Variants in ADGB observed in about 807,000 individuals in gnomAD.
ADGB encodes the protein androglobin.
Under a neutral mutation model 210.5 loss-of-function variants are expected in ADGB, and 172 were observed. The observed-to-expected ratio is 0.82, with a 90% CI of 0.72 to 0.93. The LOEUF is 0.93. Ranked by LOEUF, ADGB falls within the 40% of genes least tolerant of loss-of-function variation. The probability of loss-of-function intolerance (pLI) is 0.00; values close to 1 mark genes in which losing one functional copy is unlikely to be tolerated. For missense variants in ADGB, 2,025 were observed against 1,964.8 expected (o/e 1.03, Z -0.58); for synonymous variants, 658 against 662.7 (o/e 0.99, Z 0.11).
intron 28 of ADGB, among the ~76,000 whole-genome samples, chr6:146,766,054 C>T (rs1777568888): frequency 6.6e-6 from 1 of 151,954 alleles, no homozygotes; most frequent in African/African-American, 2.4e-5. Flanking sequence ...GGTGTAACAA[C>T]AGACAATGGG....
At chr6:146,795,653 T>C (rs1328691103) in intron 33 of ADGB, among the ~76,000 whole-genome samples, 1 of 152,142 alleles carries the variant, frequency 6.6e-6, no homozygotes, top group Non-Finnish European at 1.5e-5. Flanking sequence ...TGACAGATGC[T>C]GGTCAGGTTG....
chr6:146,665,708 G>A (rs988703670), intron 6 of ADGB, among the ~76,000 whole-genome samples: 1 of 151,992 alleles, frequency 6.6e-6, no homozygotes, highest in African/African-American at 2.4e-5. Flanking sequence ...AAAGCAACAA[G>A]CTAAGTGTAA....
chr6:146,703,400 T>A (rs1316633952), intron 13 of ADGB, among the ~76,000 whole-genome samples: 1 of 151,856 alleles, frequency 6.6e-6, no homozygotes, highest in Non-Finnish European at 1.5e-5. Flanking sequence ...TAAAATCTTC[T>A]GTCTTATCAA....
rs1396110529 is a variant in ADGB at position 146,666,800 on chromosome 6, G to A, written c.753-16G>A. 1.6e-5 allele frequency: 25 copies of A among 1,531,816 alleles called. No individual in the cohort carries two copies. Among genetic ancestry groups the A allele is most frequent in the Non-Finnish European group, 2.1e-5 (24 of 1,132,038 alleles). The allele number at this position is 1,531,816 out of a possible 1,614,324, so 94.9% of individuals were successfully genotyped here. ...CAAATTTTGCTACCTGTAACATTATGCATGTTCTTTTTTAGCATCCATGTA... is the reference window on the plus strand; with the variant it reads ...CAAATTTTGCTACCTGTAACATTATACATGTTCTTTTTTAGCATCCATGTA... On this transcript the variant is annotated splice_polypyrimidine_tract_variant and intron_variant, in intron 6 of 35. Coordinates refer to ENST00000397944, the MANE Select transcript of ADGB (RefSeq NM_024694.4).
rs898629569 is a variant in ADGB, at chr6:146,734,022, G to A, written c.2786G>A (p.Arg929Lys). 1.7e-5 allele frequency: 26 copies of A among 1,551,160 alleles called. No homozygotes were observed. In the African/African-American group the frequency reaches 2.9e-4, roughly 17 times the overall value. Residue 929 changes from arginine (R) to lysine (K), a missense_variant, in exon 22 of 36, where the codon AGA becomes AAA. Arg to Lys is a conservative substitution (Grantham distance 26). Coordinates refer to ENST00000397944, the MANE Select transcript of ADGB (RefSeq NM_024694.4). Reference sequence around the variant, plus strand: ...TACGTTAGATTGCTTATGAAAGCCAGAATACCAGGTATGATTGTCCAAACA... The same window carrying A: ...TACGTTAGATTGCTTATGAAAGCCAAAATACCAGGTATGATTGTCCAAACA... ...GTYVRLLMKA[R>K]IPDTKENISV... is the part of the protein sequence containing the mutation.
chr6:146,716,899 A>C lies in ADGB; in HGVS notation c.1758A>C (p.Thr586=). 1 of 1,549,006 alleles carries C rather than the reference A, an allele frequency of 6.5e-7. No individual in the cohort carries two copies. The change falls in exon 15 of 36, where the codon ACA becomes ACC. Residue 586 remains threonine, a synonymous_variant. Coordinates refer to ENST00000397944, the MANE Select transcript of ADGB (RefSeq NM_024694.4). ...GTCTTCTAGGCACAGATGAACAAAC[A>C]GACTTTGGATTGGGTGATGCTCATC... The part of the protein sequence containing the change: ...VILGKGTDEQ[T]DFGLGDAHQS...
At position 146,705,594 on chromosome 6, in the gene ADGB, T is replaced by A. The variant is rs137912466; in HGVS notation, c.1707+4524T>A. Among the ~76,000 whole-genome samples, 491 of 152,312 alleles carry A rather than the reference T, an allele frequency of 3.2e-3. 4 individuals carry two copies. The highest frequency in any genetic ancestry group is 0.011 in the African/African-American group (474 of 41,580). On this transcript the variant is annotated intron_variant, in intron 13 of 35. Transcript: ENST00000397944. ...TATATCATACTTGTAGATTTGCATA[T>A]GTCAAACCATCCTTGCATCTCTGGG...
At chr6:146,703,597 C>T (rs546947430) in intron 13 of ADGB, among the ~76,000 whole-genome samples, 14 of 151,992 alleles carry the variant, frequency 9.2e-5, no homozygotes, top group Non-Finnish European at 1.6e-4. Context: ...CACATAAGGT[C>T]CTCCAGGTTT....
In ADGB at chr6:146,788,575, A is replaced by G; in HGVS notation, c.4502A>G (p.Glu1501Gly). Residue 1501 changes from glutamate to glycine, a missense_variant, in exon 33 of 36, where the codon GAA becomes GGA. By Grantham distance (98) the Glu-to-Gly change is moderately conservative (BLOSUM62 -2). Transcript: ENST00000397944. The part of the protein sequence containing the change: ...ESGGVSSPGK[E>G]EREQSTRKEN... ...GGAGGAGTGTCTTCACCAGGGAAAG[A>G]AGAGCGCGAGCAGAGCACACGGAAG... 6.4e-7 allele frequency: 1 copy of G among 1,551,818 alleles called. No individual in the cohort carries two copies. Among genetic ancestry groups the G allele is most frequent in the South Asian group, 1.2e-5 (1 of 84,060 alleles).
intron 27 of ADGB, among the ~76,000 whole-genome samples, chr6:146,758,375 T>A (rs146039888): frequency 6.6e-6 from 1 of 152,092 alleles, no homozygotes; most frequent in Non-Finnish European, 1.5e-5. Context: ...TATGACCTCA[T>A]GCTTTTCTTT....
intron 31 of ADGB, among the ~76,000 whole-genome samples, chr6:146,785,234 GTC>G (rs1777857338): frequency 1.3e-5 from 2 of 152,052 alleles, no homozygotes; most frequent in Non-Finnish European, 2.9e-5. Flanking sequence ...ACCCTAGAGA[GTC>G]TCTGACCTAT....
chr6:146,658,256 T>A (rs1292142784), intron 5 of ADGB, among the ~76,000 whole-genome samples: 3 of 152,154 alleles, frequency 2.0e-5, no homozygotes, highest in Non-Finnish European at 4.4e-5. Flanking sequence ...CTTGAAATTT[T>A]GTTAGAAGAG....
intron 28 of ADGB, 122 bp from the exon 29 acceptor site, chr6:146,768,898 C>T: frequency 2.0e-6 from 1 of 492,942 alleles, no homozygotes; most frequent in South Asian, 5.6e-5. Context: ...CATGATTTAA[C>T]TAAATTATGA....
chr6:146,599,260 C>T (rs996402513), intron 1 of ADGB, 146 bp downstream of exon 1: 19 of 727,052 alleles, frequency 2.6e-5, no homozygotes, highest in Non-Finnish European at 4.1e-5. Flanking sequence ...TAAACCAGAT[C>T]CTGGAGGTGC....
chr6:146,784,736 A>C lies in ADGB; in HGVS notation c.4154A>C (p.Asp1385Ala). ...FEVKKDTERA[D>A]EIRAMKQAWE... The stretch of plus-strand genomic sequence containing the variant: ...GTGAAAAAGGATACAGAAAGGGCAG[A>C]TGAAATCCGAGCCATGAAACAAGCC... Residue 1385 changes from aspartate to alanine, a missense_variant, in exon 31 of 36, where the codon GAT becomes GCT. Transcript: ENST00000397944. 1.3e-6 allele frequency: 2 copies of C among 1,551,376 alleles called. No individual in the cohort carries two copies. The highest frequency in any genetic ancestry group is 1.7e-6 in the Non-Finnish European group (2 of 1,146,812).
At chr6:146,708,422 T>C (rs568282491) in intron 13 of ADGB, among the ~76,000 whole-genome samples, 11 of 152,242 alleles carry the variant, frequency 7.2e-5, no homozygotes, top group African/African-American at 2.6e-4. Context: ...ATGAATTCCC[T>C]CAGCTTTTTT....
In ADGB at chr6:146,656,851, G is replaced by A; in HGVS notation, c.483G>A (p.Gly161=). ...NGGILSNYFK[G]TSGEPPLLPW... ...GAATTTTGAGCAATTATTTTAAGGG[G>A]ACTTCAGGGGAACCTCCTCTTCTCC... The change falls in exon 5 of 36, where the codon GGG becomes GGA. Residue 161 remains glycine, a synonymous_variant. Transcript: ENST00000397944. 1.3e-6 allele frequency: 2 copies of A among 1,551,538 alleles called. No individual in the cohort carries two copies. Among genetic ancestry groups the A allele is most frequent in the Non-Finnish European group, 1.7e-6 (2 of 1,146,744 alleles).
intron 30 of ADGB, among the ~76,000 whole-genome samples, 154 bp from the exon 31 acceptor site, chr6:146,784,464 T>C (rs1777844708): frequency 6.6e-6 from 1 of 152,226 alleles, no homozygotes; most frequent in Non-Finnish European, 1.5e-5. Flanking sequence ...TGAATAAGAC[T>C]GCAATGAACA....
At chr6:146,604,229 A>T (rs1006369465) in intron 1 of ADGB, among the ~76,000 whole-genome samples, 1 of 152,112 alleles carries the variant, frequency 6.6e-6, no homozygotes, top group Non-Finnish European at 1.5e-5. Flanking sequence ...AGTCATTCCA[A>T]ATATCATGAG....
Sources: allele counts gnomAD v4.1 joint callset (sites outside exome capture counted in the v4.1 genomes callset), GRCh38; gene constraint gnomAD v4.1.1; transcripts MANE v1.5; gene names NCBI Gene and HGNC (gene_info 2026-07-23, HGNC 2026-07-21).